Variants in SKP1 observed in about 807,000 individuals in gnomAD.
The protein encoded by SKP1 is S-phase kinase associated protein 1, also known as S-phase kinase-associated protein 1.
SKP1 carries 1 observed loss-of-function variant against 21.5 expected under a neutral mutation model. The ratio of observed to expected loss-of-function variants is 0.05; its 90% CI spans 0.02 to 0.22. SKP1 has a LOEUF of 0.22. SKP1 is among the 10% of genes least tolerant of loss of function. SKP1 has a pLI of 1.00. For missense variants in SKP1, 70 were observed against 192.0 expected (o/e 0.36, Z 3.76); for synonymous variants, 59 against 59.3 (o/e 0.99, Z 0.03).
chr5:134,168,088 A>G (rs992973822), intron 2 of SKP1, among the ~76,000 whole-genome samples: 4 of 152,232 alleles, frequency 2.6e-5, no homozygotes, highest in African/African-American at 7.2e-5. Context: ...ACCACCCAAA[A>G]CTATATAAAC....
chr5:134,167,731 A>C (rs1336306243), intron 2 of SKP1, among the ~76,000 whole-genome samples: 2 of 152,130 alleles, frequency 1.3e-5, no homozygotes, highest in Non-Finnish European at 2.9e-5. Context: ...TCACCGTGTT[A>C]GCCAGGATGG....
At chr5:134,164,514 A>G (rs986994555) in intron 3 of SKP1, among the ~76,000 whole-genome samples, 6 of 152,052 alleles carry the variant, frequency 3.9e-5, no homozygotes, top group African/African-American at 1.2e-4. Context: ...TTCAGACCAT[A>G]AACTCCATAA....
In SKP1 at chr5:134,158,317, T is replaced by A. The variant is rs1027222532; in HGVS notation, c.456+138A>T. 6.5e-6 allele frequency: 10 copies of A among 1,547,648 alleles called. No homozygotes were observed. In the Admixed American group the frequency reaches 1.7e-4, roughly 27 times the overall value. On this transcript the variant is annotated intron_variant, in intron 5 of 5. Coordinates refer to ENST00000353411, the MANE Select transcript of SKP1 (RefSeq NM_170679.3). The stretch of plus-strand genomic sequence containing the variant: ...TCATAAAGACAGAACAGTAAGAGTA[T>A]GTTTAAGACACATTAAGTACATATT...
In SKP1 at chr5:134,165,482, C is replaced by T. The variant is rs149399747; in HGVS notation, c.171+1688G>A. Among the ~76,000 whole-genome samples the T allele has an allele frequency of 4.0e-3, 596 of 150,152 alleles. 8 individuals are homozygous for T. Among genetic ancestry groups the T allele is most frequent in the African/African-American group, 0.014 (551 of 40,728 alleles). ...GCGGGTGTCTGTAATCCCAGCTACT[C>T]GAGAGGATGAGGCGGGAGAATCACT... On this transcript the variant is annotated intron_variant, in intron 3 of 5. Coordinates refer to ENST00000353411, the MANE Select transcript of SKP1 (RefSeq NM_170679.3).
chr5:134,163,081 G>A (rs906806153), intron 3 of SKP1, among the ~76,000 whole-genome samples: 3 of 151,692 alleles, frequency 2.0e-5, no homozygotes, highest in African/African-American at 7.3e-5. Flanking sequence ...TGGGACTGGT[G>A]GTGCACACCT....
intron 3 of SKP1, among the ~76,000 whole-genome samples, chr5:134,163,265 A>G (rs1215934506): frequency 6.7e-6 from 1 of 149,866 alleles, no homozygotes; most frequent in Non-Finnish European, 1.5e-5. Context: ...AAAAATTTAA[A>G]AATAAAAAAC....
chr5:134,168,888 T>C (rs1275090128), intron 2 of SKP1, among the ~76,000 whole-genome samples: 2 of 151,532 alleles, frequency 1.3e-5, no homozygotes, highest in East Asian at 1.9e-4. Flanking sequence ...CCAAGGGCAG[T>C]TGTATGTTCA....
chr5:134,166,930 C>G (rs995560371), intron 3 of SKP1, among the ~76,000 whole-genome samples: 4 of 152,292 alleles, frequency 2.6e-5, no homozygotes, highest in East Asian at 3.9e-4. Flanking sequence ...TAGGTAGACA[C>G]AGTACAGATG....
At chr5:134,174,494 T>C in intron 1 of SKP1, 2 of 987,206 alleles carry the variant, frequency 2.0e-6, no homozygotes, top group Non-Finnish European at 2.4e-6. Flanking sequence ...AAAGAGTACA[T>C]CAGAATATGC....
chr5:134,171,429 A>T (rs1018722154), intron 2 of SKP1, among the ~76,000 whole-genome samples: 1 of 152,170 alleles, frequency 6.6e-6, no homozygotes, highest in Admixed American at 6.5e-5. Context: ...CAACATCATC[A>T]TCTTCCAGAG....
rs1267289800 is a variant in SKP1 at position 134,156,076 on chromosome 5, A to AT, written c.*1656dup. The AT allele has an allele frequency of 6.6e-6, 1 of 151,962 alleles. No individual in the cohort carries two copies. The highest frequency in any genetic ancestry group is 1.5e-5 in the Non-Finnish European group (1 of 68,014). The allele number at this position is 151,962 out of a possible 1,614,324, so 9.4% of individuals were successfully genotyped here. A position where few individuals can be genotyped will look rare whatever the true frequency, so the allele number is the denominator to read the frequency against. On this transcript the variant is annotated 3_prime_UTR_variant, in exon 6 of 6. Transcript: ENST00000353411. Reference sequence around the variant, plus strand: ...CTCCCAAAATGTTGAGATTACAGGCATAAGCCACCATGCCCAGCTGCTAAG... The same window carrying AT: ...CTCCCAAAATGTTGAGATTACAGGCATTAAGCCACCATGCCCAGCTGCTAAG...
At chr5:134,162,564 C>A (rs552168179) in intron 3 of SKP1, among the ~76,000 whole-genome samples, 232 of 152,200 alleles carry the variant, frequency 1.5e-3, no homozygotes, top group African/African-American at 5.2e-3. Flanking sequence ...TGCCACAACA[C>A]CCAGCTAATT....
At chr5:134,160,936 G>C in intron 4 of SKP1, 51 bp downstream of exon 4, 1 of 1,286,420 alleles carries the variant, frequency 7.8e-7, no homozygotes, top group Non-Finnish European at 1.1e-6. Flanking sequence ...AAATCTATAA[G>C]AAGTGTTTAA....
At chr5:134,168,050 T>C (rs1017907249) in intron 2 of SKP1, among the ~76,000 whole-genome samples, 1 of 152,210 alleles carries the variant, frequency 6.6e-6, no homozygotes. Context: ...CATTTAAAAA[T>C]TGGTGGCTCC....
At chr5:134,176,429 G>A (rs993364490) in intron 1 of SKP1, among the ~76,000 whole-genome samples, 1 of 152,084 alleles carries the variant, frequency 6.6e-6, no homozygotes. Context: ...ACCGACACAC[G>A]CCCACGCTCA....
intron 1 of SKP1, chr5:134,175,657 G>A (rs961740601): frequency 4.6e-5 from 7 of 152,182 alleles, no homozygotes; most frequent in African/African-American, 1.7e-4. Flanking sequence ...AGTCAAGTTT[G>A]TGGATTGGGT....
chr5:134,158,760 G>A (rs1178370940), intron 4 of SKP1, 165 bp from the exon 5 acceptor site: 12 of 646,748 alleles, frequency 1.9e-5, no homozygotes, highest in East Asian at 8.1e-5. Flanking sequence ...AGACTTTTAT[G>A]TGACCTTCTT....
chr5:134,158,624 G>C (rs1205385869), intron 4 of SKP1, 29 bp from the exon 5 acceptor site: 1 of 1,598,946 alleles, frequency 6.3e-7, no homozygotes. Flanking sequence ...TTTCCTTAAA[G>C]TATACTTGAT....
intron 3 of SKP1, among the ~76,000 whole-genome samples, chr5:134,163,537 C>A (rs1016352739): frequency 2.6e-5 from 4 of 151,696 alleles, no homozygotes; most frequent in Admixed American, 2.0e-4. Context: ...CACCTATAAT[C>A]CCAGCACTCT....
Sources: gnomAD v4.1 joint callset for allele counts (sites outside exome capture counted in the v4.1 genomes callset) on GRCh38, gnomAD v4.1.1 for gene constraint, MANE v1.5 for transcripts, NCBI Gene and HGNC (gene_info 2026-07-23, HGNC 2026-07-21) for gene names.